The following NUP160 variants were observed in gnomAD, a reference collection of about 807,000 sequenced individuals.
NUP160 encodes the protein nuclear pore complex protein Nup160.
A neutral mutation model predicts 196.9 loss-of-function variants in NUP160; 94 were observed. The observed-to-expected ratio is 0.48, with a 90% CI of 0.40 to 0.57. NUP160 has a LOEUF of 0.57. NUP160 is among the 20% of genes least tolerant of loss of function. NUP160 has a pLI of 0.00. For missense variants in NUP160, 1,638 were observed against 1,748.3 expected (o/e 0.94, Z 1.13); for synonymous variants, 605 against 619.7 (o/e 0.98, Z 0.35).
chr11:47,827,955 A>G (rs1852004370), intron 7 of NUP160, among the ~76,000 whole-genome samples: 1 of 152,202 alleles, frequency 6.6e-6, no homozygotes, highest in African/African-American at 2.4e-5. Context: ...CTGCAGCCTC[A>G]ACCATCCAGG....
chr11:47,848,400 A>G, exon 1 of NUP160: 1 of 1,591,238 alleles, frequency 6.3e-7, no homozygotes, highest in South Asian at 1.1e-5. Flanking sequence ...GGGCGGGCGG[A>G]GCTGCGGACA....
At chr11:47,780,730 T>A (rs1250973119) in intron 34 of NUP160, among the ~76,000 whole-genome samples, 1 of 151,696 alleles carries the variant, frequency 6.6e-6, no homozygotes, top group African/African-American at 2.4e-5. Flanking sequence ...TTAGTAGAGA[T>A]GGGGTTTCAC....
Position 47,781,954 on chromosome 11 carries a change from T to G in NUP160, c.4116+1119A>C, listed in dbSNP as rs117087514. On this transcript the variant is annotated intron_variant, in intron 34 of 35. Transcript: ENST00000378460. ...CACTAACATATAGTTCAATTTACTC[T>G]CAGATTCTCACCTTACATAGCATGA... 7.8e-4 allele frequency among the ~76,000 whole-genome samples: 118 copies of G among 152,166 alleles called. 2 individuals are homozygous for G. The East Asian group carries it at 0.021, about 27-fold the overall frequency.
At chr11:47,827,146 T>C in intron 7 of NUP160, 1 of 456,096 alleles carries the variant, frequency 2.2e-6, no homozygotes, top group Non-Finnish European at 4.4e-6. Flanking sequence ...GTGGGTGGAC[T>C]GCTTGAACTC....
At chr11:47,812,273 A>C in intron 16 of NUP160, 29 bp downstream of exon 16, 1 of 1,613,702 alleles carries the variant, frequency 6.2e-7, no homozygotes, top group Non-Finnish European at 8.5e-7. Context: ...TTTTAATCAA[A>C]GAGGCACATT....
intron 7 of NUP160, among the ~76,000 whole-genome samples, chr11:47,830,707 AG>A (rs1326270465): frequency 6.6e-6 from 1 of 152,100 alleles, no homozygotes; most frequent in African/African-American, 2.4e-5. Context: ...GGTCTACTTG[AG>A]GGTGGAGGTT....
rs2097668776 is a variant in NUP160, at chr11:47,793,008, A to G, written c.3290-62T>C. 2.0e-6 allele frequency: 3 copies of G among 1,466,080 alleles called. No individual in the cohort carries two copies. In the Admixed American group the frequency reaches 5.7e-5, roughly 28 times the overall value. 90.8% of individuals were successfully genotyped at this position (1,466,080 alleles called of 1,614,324 possible). ...AAATTTTTTTTTCTTTTTTTTGGAG[A>G]CAGAGTCTTGCTCTGTCGCCCAGGC... is the stretch of plus-strand genomic sequence containing the variant. On this transcript the variant is annotated intron_variant, in intron 27 of 35. Transcript: ENST00000378460.
At chr11:47,821,624 T>C in intron 9 of NUP160, 100 bp downstream of exon 9, 1 of 826,510 alleles carries the variant, frequency 1.2e-6, no homozygotes, top group South Asian at 1.5e-5. Context: ...CCTCTCAAAG[T>C]GTTAGGATTA....
chr11:47,819,583 C>T, intron 9 of NUP160, 125 bp from the exon 10 acceptor site: 1 of 514,590 alleles, frequency 1.9e-6, no homozygotes. Context: ...TTCATCAATT[C>T]TATTAAAAAC....
chr11:47,805,745 C>T (rs762478115), intron 20 of NUP160, among the ~76,000 whole-genome samples: 14 of 152,040 alleles, frequency 9.2e-5, no homozygotes, highest in East Asian at 7.7e-4. Context: ...TGCGCCTGGC[C>T]GAATAATGTC....
chr11:47,843,156 T>A (rs972198021), intron 2 of NUP160, among the ~76,000 whole-genome samples: 3 of 152,196 alleles, frequency 2.0e-5, no homozygotes, highest in Admixed American at 1.3e-4. Flanking sequence ...CCTCCCTTGC[T>A]CTCTGGTTAC....
intron 7 of NUP160, among the ~76,000 whole-genome samples, chr11:47,833,841 AT>A (rs1852120669): frequency 6.6e-6 from 1 of 152,148 alleles, no homozygotes; most frequent in Non-Finnish European, 1.5e-5. Flanking sequence ...CATCATCACA[AT>A]TCAGTGCTGG....
intron 28 of NUP160, chr11:47,792,573 T>C: frequency 4.2e-6 from 2 of 474,064 alleles, no homozygotes; most frequent in Non-Finnish European, 7.3e-6. Context: ...CACTCTGCAA[T>C]ATTTCTTCCT....
intron 28 of NUP160, 82 bp downstream of exon 28, chr11:47,792,704 A>G: frequency 7.9e-7 from 1 of 1,260,774 alleles, no homozygotes; most frequent in Admixed American, 2.7e-5. Context: ...AAAATGACAC[A>G]ATAGTTTTGA....
exon 18 of NUP160, chr11:47,808,467 G>A (rs1565196170): frequency 6.2e-7 from 1 of 1,613,938 alleles, no homozygotes; most frequent in African/African-American, 1.3e-5. Context: ...ATAAGAGTAG[G>A]GGAGCTGTTC....
chr11:47,787,504 A>G (rs540019038), intron 31 of NUP160, among the ~76,000 whole-genome samples: 8 of 145,624 alleles, frequency 5.5e-5, no homozygotes, highest in East Asian at 2.0e-4. Flanking sequence ...ATCTCAGCTC[A>G]CTGCAACCTC....
chr11:47,804,628 G>C lies in NUP160; in HGVS notation c.2607-10C>G, dbSNP rs750725703. 6.6e-7 allele frequency: 1 copy of C among 1,505,966 alleles called. No homozygotes were observed. Among genetic ancestry groups the C allele is most frequent in the Admixed American group, 2.7e-5 (1 of 37,538 alleles). 93.3% of individuals were successfully genotyped at this position (1,505,966 alleles called of 1,614,324 possible). On this transcript the variant is annotated splice_polypyrimidine_tract_variant and intron_variant, in intron 20 of 35. Transcript: ENST00000378460. ...AGGATTGCTAGGCCATCTAGTCATTGGTTAAGGATATTTCTTAATTTTTGT... is the reference window on the plus strand; with the variant it reads ...AGGATTGCTAGGCCATCTAGTCATTCGTTAAGGATATTTCTTAATTTTTGT...
intron 20 of NUP160, among the ~76,000 whole-genome samples, chr11:47,805,409 G>A (rs1170657097): frequency 6.6e-6 from 1 of 151,012 alleles, no homozygotes; most frequent in Non-Finnish European, 1.5e-5. Context: ...GGGATTATAG[G>A]CATGAGCCAT....
chr11:47,804,713 A>T, intron 20 of NUP160, 95 bp from the exon 21 acceptor site: 1 of 764,014 alleles, frequency 1.3e-6, no homozygotes, highest in Non-Finnish European at 2.1e-6. Flanking sequence ...AAAATAGCTT[A>T]ATTTACATAA....
Sources: allele counts gnomAD v4.1 joint callset (sites outside exome capture counted in the v4.1 genomes callset), GRCh38; gene constraint gnomAD v4.1.1; transcripts MANE v1.5; gene names NCBI Gene and HGNC (gene_info 2026-07-23, HGNC 2026-07-21).